The following METTL24 variants were observed in gnomAD, a reference collection of about 807,000 sequenced individuals.
METTL24 encodes the protein probable methyltransferase-like protein 24.
In METTL24, 29 loss-of-function variants were observed where a neutral mutation model predicts 32.7. The ratio of observed to expected loss-of-function variants is 0.89; its 90% CI spans 0.66 to 1.21. The LOEUF (loss-of-function observed/expected upper bound fraction) is 1.21. METTL24 is among the 50% of genes most tolerant of loss of function. METTL24 has a pLI of 0.00. For synonymous variants in METTL24, 163 were observed against 179.5 expected (o/e 0.91, Z 0.73); for missense variants, 439 against 468.1 (o/e 0.94, Z 0.57).
At chr6:110,342,276 G>A (rs1346262044) in intron 1 of METTL24, among the ~76,000 whole-genome samples, 4 of 152,208 alleles carry the variant, frequency 2.6e-5, no homozygotes, top group Non-Finnish European at 5.9e-5. Context: ...CAATGCGTCT[G>A]CCATGCCTGG....
Position 110,324,520 on chromosome 6 carries a change from G to A in METTL24, c.319-1648C>T, listed in dbSNP as rs190992312. Among the ~76,000 whole-genome samples the A allele has an allele frequency of 1.9e-4, 29 of 152,306 alleles. No homozygotes were observed. In the Middle Eastern group the frequency reaches 0.014, roughly 71 times the overall value. ...TTATTACTGCTCCTTGCAGAGCAGG[G>A]CTAACTCACAGGCAGTGTGCCTAGA... On this transcript the variant is annotated intron_variant, in intron 1 of 4. Coordinates refer to ENST00000338882, the MANE Select transcript of METTL24 (RefSeq NM_001123364.3).
chr6:110,331,838 A>G (rs1562239709), intron 1 of METTL24, among the ~76,000 whole-genome samples: 1 of 152,164 alleles, frequency 6.6e-6, no homozygotes. Context: ...AACAATAAAA[A>G]ACTGAGCCTC....
At chr6:110,262,728 C>T (rs1770762714) in intron 4 of METTL24, among the ~76,000 whole-genome samples, 1 of 152,174 alleles carries the variant, frequency 6.6e-6, no homozygotes, top group Admixed American at 6.5e-5. Flanking sequence ...CAATAAAATA[C>T]TGACAAACCG....
chr6:110,270,356 T>C (rs918162683), intron 4 of METTL24, among the ~76,000 whole-genome samples: 4 of 151,736 alleles, frequency 2.6e-5, no homozygotes, highest in Non-Finnish European at 5.9e-5. Flanking sequence ...CTGGAGCTGG[T>C]TGTGGGGGGA....
intron 1 of METTL24, among the ~76,000 whole-genome samples, chr6:110,343,936 C>G (rs1158694826): frequency 1.3e-5 from 2 of 152,018 alleles, no homozygotes; most frequent in Non-Finnish European, 2.9e-5. Flanking sequence ...GAAAGATGAC[C>G]AGGAAAGGTA....
intron 1 of METTL24, among the ~76,000 whole-genome samples, chr6:110,344,328 G>A (rs1259468722): frequency 6.6e-6 from 1 of 152,116 alleles, no homozygotes; most frequent in South Asian, 2.1e-4. Context: ...GGACATGACT[G>A]GGTCTACTGA....
chr6:110,258,992 T>G (rs77057090), intron 4 of METTL24, among the ~76,000 whole-genome samples: 12,258 of 152,042 alleles, frequency 0.081, 524 homozygotes, highest in South Asian at 0.16. Flanking sequence ...TTTTGAAAGT[T>G]AATATCCCTT....
intron 1 of METTL24, among the ~76,000 whole-genome samples, chr6:110,356,104 T>C (rs981721067): frequency 1.1e-5 from 1 of 88,464 alleles, no homozygotes; most frequent in Non-Finnish European, 2.4e-5. Context: ...GGATGGAACA[T>C]TGAGGACATC....
At chr6:110,258,127 A>G (rs1256629336) in intron 4 of METTL24, among the ~76,000 whole-genome samples, 2 of 152,208 alleles carry the variant, frequency 1.3e-5, no homozygotes, top group African/African-American at 2.4e-5. Flanking sequence ...TAAGAGTGCC[A>G]TCAGTGTTAG....
intron 2 of METTL24, among the ~76,000 whole-genome samples, chr6:110,317,845 A>G (rs1023062920): frequency 6.6e-6 from 1 of 152,124 alleles, no homozygotes; most frequent in African/African-American, 2.4e-5. Context: ...GCCTCCCTCC[A>G]GATCTACAAA....
chr6:110,248,146 C>T (rs1778203744), intron 4 of METTL24, among the ~76,000 whole-genome samples: 1 of 152,138 alleles, frequency 6.6e-6, no homozygotes, highest in Non-Finnish European at 1.5e-5. Context: ...TTTGTAAGCT[C>T]CCTGAGGCCT....
chr6:110,298,815 G>T, intron 4 of METTL24, 107 bp downstream of exon 4: 1 of 887,466 alleles, frequency 1.1e-6, no homozygotes, highest in Non-Finnish European at 1.7e-6. Context: ...GATTAAAATC[G>T]GACCTTCAGC....
At chr6:110,307,240 C>T (rs566758521) in intron 3 of METTL24, among the ~76,000 whole-genome samples, 1 of 152,316 alleles carries the variant, frequency 6.6e-6, no homozygotes, top group Admixed American at 6.5e-5. Flanking sequence ...ATAAGTTAAA[C>T]ATGGTCCTTG....
chr6:110,295,839 A>AAGGAAGGAAGGAAGGAAGGAAGGT (rs1489372551), intron 4 of METTL24, among the ~76,000 whole-genome samples: 14 of 149,284 alleles, frequency 9.4e-5, no homozygotes, highest in African/African-American at 3.4e-4. Flanking sequence ...GGAAGGAAGG[A>AAGGAAGGAAGGAAGGAAGGAAGGT]AGGTTCTCTA....
intron 1 of METTL24, among the ~76,000 whole-genome samples, chr6:110,353,438 C>G (rs990423876): frequency 3.9e-5 from 6 of 151,986 alleles, no homozygotes; most frequent in African/African-American, 1.5e-4. Flanking sequence ...CATTTTTCCT[C>G]TTTCTTCTTG....
intron 4 of METTL24, among the ~76,000 whole-genome samples, chr6:110,284,530 T>C (rs1006393903): frequency 6.6e-6 from 1 of 152,140 alleles, no homozygotes; most frequent in Admixed American, 6.5e-5. Context: ...TGGATGGGGA[T>C]GTGAACAGAA....
chr6:110,266,256 C>T (rs1222669380), intron 4 of METTL24, among the ~76,000 whole-genome samples: 3 of 151,966 alleles, frequency 2.0e-5, no homozygotes, highest in Non-Finnish European at 2.9e-5. Flanking sequence ...TTTTCACATG[C>T]AACTCAACCT....
At chr6:110,252,378 T>G (rs1007313148) in intron 4 of METTL24, among the ~76,000 whole-genome samples, 1 of 152,220 alleles carries the variant, frequency 6.6e-6, no homozygotes, top group Non-Finnish European at 1.5e-5. Context: ...TCTGCATGCA[T>G]TCCTGGTGTC....
chr6:110,279,601 A>G (rs1416558343), intron 4 of METTL24, among the ~76,000 whole-genome samples: 1 of 152,238 alleles, frequency 6.6e-6, no homozygotes, highest in Non-Finnish European at 1.5e-5. Flanking sequence ...ACAAGTAGGC[A>G]TTACAAATTA....
Sources: allele counts gnomAD v4.1 joint callset (sites outside exome capture counted in the v4.1 genomes callset), GRCh38; gene constraint gnomAD v4.1.1; transcripts MANE v1.5; gene names NCBI Gene and HGNC (gene_info 2026-07-23, HGNC 2026-07-21).